Variants in SYTL3 observed in about 807,000 individuals in gnomAD.
SYTL3 encodes synaptotagmin like 3, also known as synaptotagmin-like protein 3.
SYTL3 carries 88 observed loss-of-function variants against 82.1 expected under a neutral mutation model. That is an observed-to-expected ratio of 1.07 (90% CI 0.90 to 1.28). The LOEUF (loss-of-function observed/expected upper bound fraction) is 1.28. SYTL3 is among the 50% of genes most tolerant of loss of function. The pLI is 0.00. For synonymous variants in SYTL3, 311 were observed against 289.4 expected (o/e 1.07, Z -0.76); for missense variants, 831 against 757.6 (o/e 1.10, Z -1.14).
At chr6:158,693,860 T>TTTTCTTTTCTTTTTTC (rs1562384407) in intron 6 of SYTL3, among the ~76,000 whole-genome samples, 1 of 42,174 alleles carries the variant, frequency 2.4e-5, no homozygotes, top group Admixed American at 1.7e-4. Flanking sequence ...CTTTTCTTTT[T>TTTTCTTTTCTTTTTTC]TTTTTTTTTT....
intron 3 of SYTL3, among the ~76,000 whole-genome samples, chr6:158,662,404 A>T (rs966754869): frequency 2.6e-5 from 4 of 152,234 alleles, no homozygotes; most frequent in Non-Finnish European, 5.9e-5. Context: ...TCCTTAATTG[A>T]TTAAACATTT....
chr6:158,648,601 A>AT (rs201619483), upstream of SYTL3, among the ~76,000 whole-genome samples: 1,253 of 138,162 alleles, frequency 9.1e-3, 14 homozygotes, highest in African/African-American at 0.023. Context: ...AAAAAAAAAA[A>AT]AAAAAAAATA....
intron 10 of SYTL3, among the ~76,000 whole-genome samples, chr6:158,723,254 A>G (rs1187598708): frequency 1.3e-5 from 2 of 150,612 alleles, no homozygotes; most frequent in Non-Finnish European, 3.0e-5. Context: ...GCTAATTTTT[A>G]TATTTTTAGT....
intron 6 of SYTL3, among the ~76,000 whole-genome samples, chr6:158,703,812 ATAT>A (rs531980948): frequency 8.2e-6 from 1 of 122,642 alleles, no homozygotes; most frequent in Non-Finnish European, 1.8e-5. Flanking sequence ...AGTGGGTTTT[ATAT>A]TATTATCATT....
chr6:158,697,665 A>G (rs1357638173), intron 6 of SYTL3, among the ~76,000 whole-genome samples: 1 of 151,862 alleles, frequency 6.6e-6, no homozygotes, highest in African/African-American at 2.4e-5. Flanking sequence ...ATTAACATCT[A>G]GAATATATAG....
intron 6 of SYTL3, among the ~76,000 whole-genome samples, chr6:158,693,637 A>C (rs1780161260): frequency 6.6e-6 from 1 of 151,586 alleles, no homozygotes; most frequent in South Asian, 2.1e-4. Context: ...CACCTGCCTC[A>C]GCTTCCAAAA....
intron 6 of SYTL3, among the ~76,000 whole-genome samples, 194 bp downstream of exon 6, chr6:158,683,183 C>T (rs1778912877): frequency 6.7e-6 from 1 of 149,450 alleles, no homozygotes; most frequent in Non-Finnish European, 1.5e-5. Flanking sequence ...CTTCCCTCTG[C>T]TGCATTTCTA....
intron 11 of SYTL3, among the ~76,000 whole-genome samples, chr6:158,730,733 A>G (rs1224801217): frequency 1.3e-5 from 2 of 152,084 alleles, no homozygotes; most frequent in Non-Finnish European, 2.9e-5. Context: ...GAGCTGGTAA[A>G]ATATTTCCTT....
intron 11 of SYTL3, among the ~76,000 whole-genome samples, chr6:158,738,131 CT>C (rs1786458269): frequency 6.6e-6 from 1 of 152,170 alleles, no homozygotes; most frequent in Non-Finnish European, 1.5e-5. Context: ...CAGGGCAGCC[CT>C]AACCCCAGGA....
intron 6 of SYTL3, among the ~76,000 whole-genome samples, chr6:158,687,647 G>A (rs114590917): frequency 6.1e-4 from 93 of 152,216 alleles, no homozygotes; most frequent in African/African-American, 2.1e-3. Flanking sequence ...TCATTCTGCC[G>A]CTACATCTGG....
At position 158,663,284 on chromosome 6, in the gene SYTL3, G is replaced by A. The variant is rs767468785; in HGVS notation, c.16G>A (p.Asp6Asn). The A allele has an allele frequency of 1.5e-5, 24 of 1,614,042 alleles. No individual in the cohort carries two copies. The highest frequency in any genetic ancestry group is 1.9e-5 in the Non-Finnish European group (22 of 1,180,032). MAQEI[D>N]LSALKELERE... ...CGGAGAAGAAATGGCCCAAGAAATAGATCTGAGTGCTCTCAAGGAGTTAGA... is the reference window on the plus strand; with the variant it reads ...CGGAGAAGAAATGGCCCAAGAAATAAATCTGAGTGCTCTCAAGGAGTTAGA... Residue 6 changes from aspartate (D) to asparagine (N), a missense_variant, in exon 4 of 18, where the codon GAT (aspartate) becomes AAT (asparagine). Transcript: ENST00000611299.
At position 158,751,880 on chromosome 6, in the gene SYTL3, C is replaced by T. The variant is rs769399593; in HGVS notation, c.1035-48C>T. 1.6e-5 allele frequency: 22 copies of T among 1,401,796 alleles called. No homozygotes were observed. In the South Asian group the frequency reaches 2.9e-4, roughly 18 times the overall value. 86.8% of individuals were successfully genotyped at this position (1,401,796 alleles called of 1,614,324 possible). A position where few individuals can be genotyped will look rare whatever the true frequency, so the allele number is the denominator to read the frequency against. On this transcript the variant is annotated intron_variant, in intron 12 of 17. Transcript: ENST00000611299. ...CTGCTGCCCCCAAACTCTTTATCCA[C>T]CCCTTTCCCTGAGTTCTCACTCTGT...
chr6:158,744,311 T>C (rs866498315), intron 11 of SYTL3, among the ~76,000 whole-genome samples: 28,526 of 134,766 alleles, frequency 0.21, 2,691 homozygotes, highest in African/African-American at 0.28. Context: ...TTTCTTTTTT[T>C]TTTTTTTTTT....
chr6:158,763,234 T>G, intron 16 of SYTL3, 70 bp from the exon 17 acceptor site: 5 of 1,463,514 alleles, frequency 3.4e-6, no homozygotes, highest in Non-Finnish European at 4.8e-6. Context: ...CCGTCTGCAC[T>G]GACGCACAGG....
intron 12 of SYTL3, among the ~76,000 whole-genome samples, chr6:158,750,903 C>G (rs183991836): frequency 6.6e-6 from 1 of 152,178 alleles, no homozygotes; most frequent in Non-Finnish European, 1.5e-5. Context: ...ACAAGCGATT[C>G]TCCTGCCTCA....
intron 6 of SYTL3, among the ~76,000 whole-genome samples, chr6:158,697,927 G>A (rs1780738688): frequency 6.6e-6 from 1 of 152,142 alleles, no homozygotes; most frequent in Non-Finnish European, 1.5e-5. Context: ...GAAGGATGCT[G>A]GATAGGGGAT....
chr6:158,722,469 C>T (rs1784226513), intron 10 of SYTL3, among the ~76,000 whole-genome samples: 1 of 152,150 alleles, frequency 6.6e-6, no homozygotes, highest in South Asian at 2.1e-4. Context: ...GGATCTTTTC[C>T]ACACCACTTC....
chr6:158,739,529 C>T (rs1786653422), intron 11 of SYTL3, among the ~76,000 whole-genome samples: 1 of 152,064 alleles, frequency 6.6e-6, no homozygotes, highest in Non-Finnish European at 1.5e-5. Flanking sequence ...AGAGTCCAAA[C>T]ATATACTTTT....
intron 5 of SYTL3, among the ~76,000 whole-genome samples, chr6:158,679,703 A>G (rs1284444967): frequency 6.6e-6 from 1 of 152,226 alleles, no homozygotes; most frequent in Non-Finnish European, 1.5e-5. Flanking sequence ...AGATGGTTCT[A>G]TTAGATGATT....
Sources: gnomAD v4.1 joint callset for allele counts (sites outside exome capture counted in the v4.1 genomes callset) on GRCh38, gnomAD v4.1.1 for gene constraint, MANE v1.5 for transcripts, NCBI Gene and HGNC (gene_info 2026-07-23, HGNC 2026-07-21) for gene names.